Variants in SNX18 observed in about 807,000 individuals in gnomAD.
SNX18 encodes sorting nexin-18.
In SNX18, 35 loss-of-function variants were observed where a neutral mutation model predicts 48.7. That is an observed-to-expected ratio of 0.72 (90% confidence interval 0.55 to 0.95). The LOEUF is 0.95. Among genes scored for constraint, SNX18 ranks in the 40% least tolerant of loss-of-function variants. The pLI is 0.00. For synonymous variants in SNX18, 492 were observed against 384.7 expected (o/e 1.28, Z -3.26); for missense variants, 824 against 871.0 (o/e 0.95, Z 0.68).
the SNX18 span, among the ~76,000 whole-genome samples, chr5:54,582,200 A>G: frequency 6.6e-6 from 1 of 152,200 alleles, no homozygotes; most frequent in Non-Finnish European, 1.5e-5. Context: ...TAAGAGAGAA[A>G]AACAGATTAC....
At chr5:54,543,079 G>C in intron 1 of SNX18, 100 bp from the exon 2 acceptor site, 1 of 1,156,124 alleles carries the variant, frequency 8.6e-7, no homozygotes, top group Non-Finnish European at 1.2e-6. Context: ...AATAGTTTGG[G>C]CAACTATTTA....
chr5:54,527,215 C>A (rs528661983), intron 1 of SNX18, among the ~76,000 whole-genome samples: 1 of 152,108 alleles, frequency 6.6e-6, no homozygotes, highest in East Asian at 1.9e-4. Context: ...CAGACTTAGT[C>A]CAGAGCAATG....
At chr5:54,555,844 A>T in the SNX18 span, among the ~76,000 whole-genome samples, 47,216 of 151,318 alleles carry the variant, frequency 0.31, 7,628 homozygotes, top group Middle Eastern at 0.39. Flanking sequence ...AAAAAAAGAA[A>T]AAAGAATAAA....
At chr5:54,632,019 G>A in the SNX18 span, among the ~76,000 whole-genome samples, 7 of 152,194 alleles carry the variant, frequency 4.6e-5, no homozygotes, top group African/African-American at 1.7e-4. Flanking sequence ...ACAGAGAGGA[G>A]TTCATCAGAG....
the SNX18 span, among the ~76,000 whole-genome samples, chr5:54,556,448 C>T: frequency 6.6e-6 from 1 of 152,214 alleles, no homozygotes; most frequent in Non-Finnish European, 1.5e-5. Context: ...ATCTTTCCCA[C>T]ATTGAATCAC....
chr5:54,517,861 C>G lies in SNX18; in HGVS notation c.-92C>G, dbSNP rs1426057775. 7.7e-7 allele frequency: 1 copy of G among 1,300,774 alleles called. No individual in the cohort carries two copies. The highest frequency in any genetic ancestry group is 9.8e-7 in the Non-Finnish European group (1 of 1,017,270). The allele number at this position is 1,300,774 out of a possible 1,614,324, so 80.6% of individuals were successfully genotyped here. ...TTGCCGCCTTCGGGGCTCCAGTCCG[C>G]GCGCCAGGGCTCGAGCAGTACCGCG... On this transcript the variant is annotated 5_prime_UTR_variant, in exon 1 of 2. Transcript: ENST00000381410.
chr5:54,566,041 T>G, the SNX18 span, among the ~76,000 whole-genome samples: 1 of 152,174 alleles, frequency 6.6e-6, no homozygotes, highest in African/African-American at 2.4e-5. Flanking sequence ...ATCAGCTGTG[T>G]CCACGTCCTT....
At chr5:54,538,762 C>T (rs973000401) in intron 1 of SNX18, among the ~76,000 whole-genome samples, 22 of 152,106 alleles carry the variant, frequency 1.4e-4, no homozygotes, top group African/African-American at 5.3e-4. Flanking sequence ...CAGGAACTCT[C>T]GATTTTTAAT....
the SNX18 span, among the ~76,000 whole-genome samples, chr5:54,598,250 C>G: frequency 1.3e-5 from 2 of 151,842 alleles, no homozygotes; most frequent in Admixed American, 6.6e-5. Flanking sequence ...GCCCACCAAC[C>G]AAAAAAAGCC....
the SNX18 span, among the ~76,000 whole-genome samples, chr5:54,609,066 G>C: frequency 3.3e-5 from 5 of 152,200 alleles, no homozygotes; most frequent in South Asian, 6.2e-4. Flanking sequence ...AATCTCCCAT[G>C]TTTCCTCACA....
At chr5:54,538,293 A>T (rs761359728) in intron 1 of SNX18, among the ~76,000 whole-genome samples, 1 of 152,198 alleles carries the variant, frequency 6.6e-6, no homozygotes, top group African/African-American at 2.4e-5. Context: ...TTTCTAGTGA[A>T]CTCAGAGCTT....
chr5:54,612,253 A>G, the SNX18 span, among the ~76,000 whole-genome samples: 1 of 115,038 alleles, frequency 8.7e-6, no homozygotes, highest in African/African-American at 4.0e-5. Context: ...AGAGGGTGGG[A>G]ATTTTTTTTT....
the SNX18 span, among the ~76,000 whole-genome samples, chr5:54,628,081 A>T: frequency 6.6e-6 from 1 of 152,150 alleles, no homozygotes; most frequent in Non-Finnish European, 1.5e-5. Flanking sequence ...ACCCAGAGAC[A>T]AATTAGTTGG....
At chr5:54,609,686 A>C in the SNX18 span, among the ~76,000 whole-genome samples, 1 of 152,138 alleles carries the variant, frequency 6.6e-6, no homozygotes, top group Non-Finnish European at 1.5e-5. Context: ...TACCTCCTTG[A>C]AATTGAAAAG....
intron 1 of SNX18, among the ~76,000 whole-genome samples, chr5:54,538,104 T>C (rs1366300117): frequency 6.6e-6 from 1 of 152,212 alleles, no homozygotes; most frequent in Non-Finnish European, 1.5e-5. Flanking sequence ...ATGAAGATAA[T>C]TGTGAAGCCT....
At chr5:54,614,150 C>T in the SNX18 span, among the ~76,000 whole-genome samples, 1 of 152,164 alleles carries the variant, frequency 6.6e-6, no homozygotes, top group African/African-American at 2.4e-5. Context: ...ATAAAGATAA[C>T]GGAAAGCAGT....
the SNX18 span, among the ~76,000 whole-genome samples, chr5:54,569,576 C>G: frequency 7.2e-5 from 11 of 152,128 alleles, no homozygotes; most frequent in African/African-American, 2.7e-4. Flanking sequence ...TTTCTGAAGA[C>G]TTATTTCTTC....
rs148507796 is a variant in SNX18 at position 54,533,083 on chromosome 5, A to AT, written c.1622-10088dup. Among the ~76,000 whole-genome samples, 977 of 152,030 alleles carry AT rather than the reference A, an allele frequency of 6.4e-3. 12 individuals are homozygous for AT. The highest frequency in any genetic ancestry group is 0.022 in the African/African-American group (926 of 41,448). On this transcript the variant is annotated intron_variant, in intron 1 of 1. Coordinates refer to ENST00000381410, the MANE Select transcript of SNX18 (RefSeq NM_001102575.2). ...CTTAGAGGCCTGAATTCTTTAAGTG[A>AT]TTTTTTTTCCATCAAGTGACCAGGT...
At chr5:54,548,745 A>C (rs2111634261), downstream of SNX18, among the ~76,000 whole-genome samples, 1 of 152,328 alleles carries the variant, frequency 6.6e-6, no homozygotes, top group East Asian at 1.9e-4. Context: ...CCTGAACATC[A>C]TGTGACCATG....
Sources: gnomAD v4.1 joint callset for allele counts (sites outside exome capture counted in the v4.1 genomes callset) on GRCh38, gnomAD v4.1.1 for gene constraint, MANE v1.5 for transcripts, NCBI Gene and HGNC (gene_info 2026-07-23, HGNC 2026-07-21) for gene names.